Variants in LIPG observed in about 807,000 individuals in gnomAD.
The protein encoded by LIPG is lipase G, endothelial type, also known as endothelial lipase.
Under a neutral mutation model 51.8 loss-of-function variants are expected in LIPG, and 34 were observed. The ratio of observed to expected loss-of-function variants is 0.66; its 90% CI spans 0.50 to 0.87. LIPG has a LOEUF of 0.87. Ranked by LOEUF, LIPG falls within the 40% of genes least tolerant of loss-of-function variation. The pLI, the probability that LIPG is intolerant of heterozygous loss-of-function variation, is 0.00. For missense variants in LIPG, 580 were observed against 652.7 expected (o/e 0.89, Z 1.21); for synonymous variants, 246 against 246.1 (o/e 1.00, Z 0.00).
chr18:49,589,998 A>G (rs1258060066), intron 9 of LIPG: 1 of 213,042 alleles, frequency 4.7e-6, no homozygotes, highest in Non-Finnish European at 9.6e-6. Context: ...GTTCACTGAT[A>G]AGGAGCCTGA....
chr18:49,575,531 G>A lies in LIPG; in HGVS notation c.734G>A (p.Gly245Glu), dbSNP rs1379948757. 1.9e-6 allele frequency: 3 copies of A among 1,614,080 alleles called. No homozygotes were observed. The highest frequency in any genetic ancestry group is 1.3e-5 in the African/African-American group (1 of 74,934). ...PVGHIDIYPNGGDFQPGCGLN... is the reference protein window; with the variant it reads ...PVGHIDIYPNEGDFQPGCGLN... ...GGCCACATTGACATCTACCCCAATG[G>A]GGGTGACTTCCAGCCAGGCTGTGGA... is the stretch of plus-strand genomic sequence containing the variant. The change falls in exon 5 of 10, where the codon GGG becomes GAG. Residue 245 changes from glycine (G) to glutamate (E), a missense_variant. Coordinates refer to ENST00000261292, the MANE Select transcript of LIPG (RefSeq NM_006033.4).
chr18:49,575,358 T>C lies in LIPG; in HGVS notation c.572-11T>C, dbSNP rs746166170. On this transcript the variant is annotated splice_polypyrimidine_tract_variant and intron_variant, in intron 4 of 9. Coordinates refer to ENST00000261292, the MANE Select transcript of LIPG (RefSeq NM_006033.4). ...ACACCACAGCTGTTTTGGGGCCTCC[T>C]TCTGCTGCAGGTTTGGATCCTGCCG... The C allele has an allele frequency of 1.9e-6, 3 of 1,611,742 alleles. No individual in the cohort carries two copies. Among genetic ancestry groups the C allele is most frequent in the Non-Finnish European group, 2.5e-6 (3 of 1,179,720 alleles).
chr18:49,578,888 TG>T (rs1229237998), intron 5 of LIPG, among the ~76,000 whole-genome samples: 1 of 75,964 alleles, frequency 1.3e-5, no homozygotes, highest in Non-Finnish European at 2.9e-5. Context: ...GGCGCGTGCC[TG>T]CAATCGCAGG....
intron 9 of LIPG, among the ~76,000 whole-genome samples, chr18:49,588,750 G>A (rs2084911122): frequency 6.6e-6 from 1 of 152,082 alleles, no homozygotes; most frequent in Non-Finnish European, 1.5e-5. Flanking sequence ...GTGAGGCAGT[G>A]GGCTCATCCT....
chr18:49,581,984 G>A, intron 6 of LIPG: 2 of 581,318 alleles, frequency 3.4e-6, no homozygotes, highest in South Asian at 2.2e-5. Flanking sequence ...ATGAACAGGG[G>A]ACCAAAATGA....
chr18:49,576,820 T>G (rs2084724144), intron 5 of LIPG, among the ~76,000 whole-genome samples: 1 of 152,082 alleles, frequency 6.6e-6, no homozygotes, highest in Non-Finnish European at 1.5e-5. Flanking sequence ...ATTCACAGCT[T>G]ACTACAGCCT....
At chr18:49,579,190 G>C (rs1178277348) in intron 5 of LIPG, among the ~76,000 whole-genome samples, 1 of 5,718 alleles carries the variant, frequency 1.7e-4, no homozygotes, top group Non-Finnish European at 3.2e-4. Flanking sequence ...GAGGGAGAGG[G>C]AGAGGGAGAG....
intron 5 of LIPG, 62 bp downstream of exon 5, chr18:49,575,652 C>T (rs1328740378): frequency 1.4e-6 from 2 of 1,404,632 alleles, no homozygotes; most frequent in Non-Finnish European, 2.0e-6. Context: ...TCTAAATCAG[C>T]CAGAGCCTTT....
intron 8 of LIPG, among the ~76,000 whole-genome samples, chr18:49,584,441 C>G (rs2084861613): frequency 6.6e-6 from 1 of 152,204 alleles, no homozygotes; most frequent in African/African-American, 2.4e-5. Context: ...AGGCTTTTTT[C>G]TAAACAGAAG....
At chr18:49,574,545 G>A (rs909853020) in intron 4 of LIPG, among the ~76,000 whole-genome samples, 4 of 152,084 alleles carry the variant, frequency 2.6e-5, no homozygotes, top group Admixed American at 1.3e-4. Context: ...CTACCTGTCC[G>A]TTTCCCTTAC....
rs2148846082 is a variant in LIPG, at chr18:49,562,127, T to C, written c.-182T>C. 1.2e-5 allele frequency: 18 copies of C among 1,462,138 alleles called. No individual in the cohort carries two copies. Among genetic ancestry groups the C allele is most frequent in the Non-Finnish European group, 1.6e-5 (18 of 1,114,610 alleles). 90.6% of individuals were successfully genotyped at this position (1,462,138 alleles called of 1,614,324 possible). A position where few individuals can be genotyped will look rare whatever the true frequency, so the allele number is the denominator to read the frequency against. On this transcript the variant is annotated 5_prime_UTR_variant, in exon 1 of 10. Coordinates refer to ENST00000261292, the MANE Select transcript of LIPG (RefSeq NM_006033.4). ...TCGTTCTGGGGCAAGCCGTTGACAC[T>C]CGCTCCCTGCCACCGCCCGGGCTCC...
At chr18:49,565,743 C>T (rs2084598759) in intron 2 of LIPG, among the ~76,000 whole-genome samples, 1 of 152,202 alleles carries the variant, frequency 6.6e-6, no homozygotes, top group Admixed American at 6.5e-5. Context: ...CTCCTGAGGG[C>T]AGCAGCCCAG....
In LIPG at chr18:49,592,336, GA is replaced by G. The variant is rs61762478; in HGVS notation, c.*1816del. 2 of 152,170 alleles carry G rather than the reference GA, an allele frequency of 1.3e-5. No individual in the cohort carries two copies. The highest frequency in any genetic ancestry group is 3.9e-4 in the East Asian group (2 of 5,188). 9.4% of individuals were successfully genotyped at this position (152,170 alleles called of 1,614,324 possible). A position where few individuals can be genotyped will look rare whatever the true frequency, so the allele number is the denominator to read the frequency against. On this transcript the variant is annotated 3_prime_UTR_variant, in exon 10 of 10. Transcript: ENST00000261292. ...CCCTTATCCAAAATGCTTGGAACCA[GA>G]AGTGTTTCAAATTTTAGATTATTTT...
intron 4 of LIPG, among the ~76,000 whole-genome samples, chr18:49,571,197 G>A (rs986264103): frequency 7.9e-5 from 12 of 152,292 alleles, no homozygotes; most frequent in African/African-American, 2.9e-4. Context: ...GAAGCCACTC[G>A]GGTTCCATTG....
rs1375666676 is a variant in LIPG at position 49,590,730 on chromosome 18, T to C, written c.*208T>C. ...TATAGCTCTTGCTGCCTCTCTTGAA[T>C]AGCTCTAACTCCAAACCTCTGTCCA... On this transcript the variant is annotated 3_prime_UTR_variant, in exon 10 of 10. Coordinates refer to ENST00000261292, the MANE Select transcript of LIPG (RefSeq NM_006033.4). The C allele has an allele frequency of 5.2e-5, 33 of 635,558 alleles. No homozygotes were observed. Among genetic ancestry groups the C allele is most frequent in the Non-Finnish European group, 9.4e-5 (33 of 352,658 alleles). The allele number at this position is 635,558 out of a possible 1,614,324, so 39.4% of individuals were successfully genotyped here. A position where few individuals can be genotyped will look rare whatever the true frequency, so the allele number is the denominator to read the frequency against.
chr18:49,565,859 T>C (rs1021243930), intron 2 of LIPG, among the ~76,000 whole-genome samples: 2 of 152,216 alleles, frequency 1.3e-5, no homozygotes, highest in African/African-American at 4.8e-5. Flanking sequence ...CTAAAGCAAC[T>C]TGACTGGCTC....
Position 49,575,371 on chromosome 18 carries a change from T to C in LIPG, c.574T>C (p.Leu192=). 6.2e-7 allele frequency: 1 copy of C among 1,612,452 alleles called. No homozygotes were observed. Among genetic ancestry groups the C allele is most frequent in the Middle Eastern group, 2.1e-4 (1 of 4,798 alleles). The change falls in exon 5 of 10, where the codon TTG becomes CTG. Residue 192 remains leucine (L), a splice_region_variant and synonymous_variant. Transcript: ENST00000261292. ...VKGTVGRITG[L]DPAGPMFEGA... is the part of the protein sequence containing the mutation. ...TTTGGGGCCTCCTTCTGCTGCAGGT[T>C]TGGATCCTGCCGGGCCCATGTTTGA...
In LIPG at chr18:49,594,665, C is replaced by T. The variant is rs1465721363; in HGVS notation, c.*4143C>T. On this transcript the variant is annotated 3_prime_UTR_variant, in exon 10 of 10. Coordinates refer to ENST00000261292, the MANE Select transcript of LIPG (RefSeq NM_006033.4). ...TATGACTATGAAGTATAATGCATTA[C>T]ATCAGTTTGACTTTATTTCTGGTCT... 6.6e-6 allele frequency: 1 copy of T among 152,186 alleles called. No individual in the cohort carries two copies. The highest frequency in any genetic ancestry group is 1.9e-4 in the East Asian group (1 of 5,188). 9.4% of individuals were successfully genotyped at this position (152,186 alleles called of 1,614,324 possible).
At chr18:49,583,797 T>C in intron 8 of LIPG, 23 bp downstream of exon 8, 1 of 1,590,704 alleles carries the variant, frequency 6.3e-7, no homozygotes, top group African/African-American at 1.3e-5. Flanking sequence ...TGCTCCTTCT[T>C]CTGCCTGGTG....
Sources: gnomAD v4.1 joint callset for allele counts (sites outside exome capture counted in the v4.1 genomes callset) on GRCh38, gnomAD v4.1.1 for gene constraint, MANE v1.5 for transcripts, NCBI Gene and HGNC (gene_info 2026-07-23, HGNC 2026-07-21) for gene names.